The following EXOC4 variants were observed in gnomAD, a reference collection of about 807,000 sequenced individuals.
EXOC4 encodes SEC8-like 1.
Under a neutral mutation model 107.2 loss-of-function variants are expected in EXOC4, and 71 were observed. That is an observed-to-expected ratio of 0.66 (90% confidence interval 0.55 to 0.81). The LOEUF is 0.81. EXOC4 is among the 30% of genes least tolerant of loss of function. EXOC4 has a pLI of 0.00. For synonymous variants in EXOC4, 456 were observed against 441.2 expected (o/e 1.03, Z -0.42); for missense variants, 1,108 against 1,189.6 (o/e 0.93, Z 1.01).
the EXOC4 span, among the ~76,000 whole-genome samples, chr7:134,075,010 AAAGT>A: frequency 6.6e-6 from 1 of 152,376 alleles, no homozygotes; most frequent in Non-Finnish European, 1.5e-5. Context: ...GTATAAAAAA[AAAGT>A]AAGCAAAGAA....
At chr7:133,408,375 T>C (rs1225272115) in intron 7 of EXOC4, among the ~76,000 whole-genome samples, 1 of 149,588 alleles carries the variant, frequency 6.7e-6, no homozygotes, top group East Asian at 2.0e-4. Flanking sequence ...GAGGTGATGG[T>C]GGTGATGATG....
chr7:133,929,949 CA>C lies in EXOC4; in HGVS notation c.2028-7941del, dbSNP rs1316437694. On this transcript the variant is annotated intron_variant, in intron 13 of 17. Transcript: ENST00000253861. The stretch of plus-strand genomic sequence containing the variant: ...AATTGTTTAATGTCTCTGCTCTGAA[CA>C]GATTTCAATTCTTCAAGAGGAAATC... Among the ~76,000 whole-genome samples, 16 of 152,114 alleles carry C rather than the reference CA, an allele frequency of 1.1e-4. No individual in the cohort carries two copies. The East Asian group carries it at 2.1e-3, about 20-fold the overall frequency.
intron 11 of EXOC4, among the ~76,000 whole-genome samples, chr7:133,869,311 G>A (rs919567910): frequency 3.3e-5 from 5 of 151,984 alleles, no homozygotes; most frequent in Non-Finnish European, 5.9e-5. Context: ...GAAAGAGCAG[G>A]CCTTGGGGTA....
At chr7:133,576,800 G>T in intron 9 of EXOC4, 1 of 1,289,480 alleles carries the variant, frequency 7.8e-7, no homozygotes, top group Non-Finnish European at 1.0e-6. Context: ...GCCCTTCTGT[G>T]CATGGCAAGT....
At chr7:133,452,568 C>G (rs1461893368) in intron 7 of EXOC4, among the ~76,000 whole-genome samples, 1 of 149,018 alleles carries the variant, frequency 6.7e-6, no homozygotes, top group East Asian at 2.0e-4. Flanking sequence ...ACCTTTAGCT[C>G]TCTGTGCATC....
intron 9 of EXOC4, among the ~76,000 whole-genome samples, chr7:133,510,375 G>A (rs1268886531): frequency 1.3e-5 from 2 of 152,044 alleles, no homozygotes; most frequent in Non-Finnish European, 2.9e-5. Context: ...TCAGTTAATG[G>A]ACATTGGGTT....
intron 9 of EXOC4, among the ~76,000 whole-genome samples, chr7:133,563,185 TGGC>T (rs144592987): frequency 0.034 from 5,210 of 152,288 alleles, 282 homozygotes; most frequent in African/African-American, 0.12. Flanking sequence ...CCATTTCTAA[TGGC>T]ATATGAAATT....
At chr7:133,278,032 T>C (rs755831279) in intron 2 of EXOC4, among the ~76,000 whole-genome samples, 13 of 143,920 alleles carry the variant, frequency 9.0e-5, no homozygotes, top group Non-Finnish European at 1.9e-4. Context: ...ATTTTCTTTC[T>C]ATTTTCTGCC....
At chr7:134,037,683 G>C (rs1284863443) in intron 17 of EXOC4, among the ~76,000 whole-genome samples, 1 of 152,158 alleles carries the variant, frequency 6.6e-6, no homozygotes, top group Non-Finnish European at 1.5e-5. Context: ...CCTCCTCAGG[G>C]AGAGTCCTTG....
At chr7:133,946,291 A>C (rs1055574725) in intron 14 of EXOC4, among the ~76,000 whole-genome samples, 1 of 152,168 alleles carries the variant, frequency 6.6e-6, no homozygotes, top group Non-Finnish European at 1.5e-5. Context: ...TTTCATGATC[A>C]TGCTGTTGAC....
intron 5 of EXOC4, among the ~76,000 whole-genome samples, chr7:133,343,234 C>T (rs1052590994): frequency 6.6e-6 from 1 of 152,086 alleles, no homozygotes; most frequent in Non-Finnish European, 1.5e-5. Flanking sequence ...GTGGTGCTCT[C>T]CCCATTCCCC....
chr7:133,579,526 T>C (rs189383668), intron 9 of EXOC4, among the ~76,000 whole-genome samples: 286 of 152,288 alleles, frequency 1.9e-3, no homozygotes, highest in Non-Finnish European at 3.4e-3. Context: ...AAGTGTACAG[T>C]ACAGTGTTAC....
chr7:133,435,744 T>C (rs1797956408), intron 7 of EXOC4, among the ~76,000 whole-genome samples: 1 of 152,196 alleles, frequency 6.6e-6, no homozygotes, highest in African/African-American at 2.4e-5. Context: ...ACTTAAGTTT[T>C]AGCTATTCCA....
intron 9 of EXOC4, among the ~76,000 whole-genome samples, chr7:133,596,242 T>C (rs780664511): frequency 1.2e-4 from 19 of 152,216 alleles, no homozygotes; most frequent in Non-Finnish European, 2.4e-4. Flanking sequence ...AAGAAAATGT[T>C]CCATGGATTT....
chr7:133,586,087 A>G (rs754190615), intron 9 of EXOC4, among the ~76,000 whole-genome samples: 3 of 151,896 alleles, frequency 2.0e-5, no homozygotes, highest in Non-Finnish European at 2.9e-5. Flanking sequence ...CTGAAATTTT[A>G]TTTTTTTAAA....
At chr7:133,752,183 C>A (rs141281748) in intron 10 of EXOC4, among the ~76,000 whole-genome samples, 2 of 152,012 alleles carry the variant, frequency 1.3e-5, no homozygotes, top group African/African-American at 4.8e-5. Context: ...ACAAAAAGAC[C>A]ATTATCTAAA....
chr7:133,882,974 T>A (rs558243070), intron 11 of EXOC4, among the ~76,000 whole-genome samples: 1 of 152,302 alleles, frequency 6.6e-6, no homozygotes, highest in Non-Finnish European at 1.5e-5. Flanking sequence ...ACAAAGAATT[T>A]TTCCATACAT....
chr7:134,098,823 A>T, the EXOC4 span, among the ~76,000 whole-genome samples: 5 of 152,222 alleles, frequency 3.3e-5, no homozygotes, highest in African/African-American at 4.8e-5. Flanking sequence ...AACCTTTAGA[A>T]AATAGCTTGG....
At chr7:133,716,458 C>T (rs1044206875) in intron 10 of EXOC4, among the ~76,000 whole-genome samples, 4 of 152,166 alleles carry the variant, frequency 2.6e-5, no homozygotes, top group African/African-American at 9.7e-5. Flanking sequence ...GACATTCTGC[C>T]TATTCACAGA....
Sources: gnomAD v4.1 joint callset for allele counts (sites outside exome capture counted in the v4.1 genomes callset) on GRCh38, gnomAD v4.1.1 for gene constraint, MANE v1.5 for transcripts, NCBI Gene and HGNC (gene_info 2026-07-23, HGNC 2026-07-21) for gene names.